Variants in POMGNT1 observed in about 807,000 individuals in gnomAD.
The protein encoded by POMGNT1 is protein O-linked-mannose beta-1,2-N-acetylglucosaminyltransferase 1.
In POMGNT1, 67 loss-of-function variants were observed where a neutral mutation model predicts 95.6. The observed-to-expected ratio is 0.70, with a 90% CI of 0.58 to 0.86. POMGNT1 has a LOEUF of 0.86. Among genes scored for constraint, POMGNT1 ranks in the 40% least tolerant of loss-of-function variants. The probability of loss-of-function intolerance (pLI) is 0.00; values close to 1 mark genes in which losing one functional copy is unlikely to be tolerated. For synonymous variants in POMGNT1, 298 were observed against 317.9 expected, an observed-to-expected ratio of 0.94 and a Z score of 0.66; for missense variants, 719 against 855.2, an observed-to-expected ratio of 0.84 and a Z score of 1.99.
rs750490876 is a variant in POMGNT1 at position 46,192,123 on chromosome 1, C to T, written c.1514G>A (p.Gly505Asp). 3 of 1,614,148 alleles carry T rather than the reference C, an allele frequency of 1.9e-6. No individual in the cohort carries two copies. The East Asian group carries it at 6.7e-5, about 36-fold the overall frequency. The change falls in exon 17 of 22, where the codon GGC becomes GAC. Residue 505 changes from glycine to aspartate, a missense_variant. Transcript: ENST00000371984. ...GTGAAAGTAGCCATTCATGTTGAGG[C>T]CGACGATGCCAAAGTGGTAGGATCG... ...VSRSYHFGIVGLNMNGYFHEA... is the reference protein window; with the variant it reads ...VSRSYHFGIVDLNMNGYFHEA...
chr1:46,209,604 G>A (rs1223391605), intron 1 of POMGNT1, among the ~76,000 whole-genome samples: 1 of 150,250 alleles, frequency 6.7e-6, no homozygotes, highest in East Asian at 2.0e-4. Flanking sequence ...GAGTGCAGTG[G>A]CCCAATCTCA....
upstream of POMGNT1, among the ~76,000 whole-genome samples, chr1:46,202,632 GT>G (rs1658566070): frequency 7.5e-6 from 1 of 133,270 alleles, no homozygotes; most frequent in African/African-American, 2.8e-5. Context: ...GGAGGCAGAG[GT>G]TTGTAGTGAG....
chr1:46,200,717 T>C (rs1390366595), upstream of POMGNT1, among the ~76,000 whole-genome samples: 1 of 152,252 alleles, frequency 6.6e-6, no homozygotes, highest in Non-Finnish European at 1.5e-5. Flanking sequence ...GTCTAATTCT[T>C]CTTTGACCTC....
Position 46,197,710 on chromosome 1 carries a change from A to G in POMGNT1, c.112T>C (p.Phe38Leu). The G allele has an allele frequency of 6.2e-7, 1 of 1,613,978 alleles. No homozygotes were observed. Among genetic ancestry groups the G allele is most frequent in the Non-Finnish European group, 8.5e-7 (1 of 1,179,968 alleles). Residue 38 changes from phenylalanine to leucine, a missense_variant, in exon 2 of 22, where the codon TTC (phenylalanine) becomes CTC (leucine). By Grantham distance (22) the Phe-to-Leu change is conservative. This residue lies in a region of POMGNT1 where 466 missense variants were observed against 517.4 expected (regional missense o/e 0.90). Coordinates refer to ENST00000371984, the MANE Select transcript of POMGNT1 (RefSeq NM_017739.4). The part of the protein sequence containing the change: ...KLTNQRALRR[F>L]CQTGAVLFLL... ...TTGGGACATCTCTATACCTGACAGA[A>G]TCTCCGCAGGGCCCGCTGGTTTGTC...
Position 46,189,456 on chromosome 1 carries a change from A to G in POMGNT1, c.1895+2T>C, listed in dbSNP as rs1299162535. The stretch of plus-strand genomic sequence containing the variant: ...TTCCCAGGGCAGAAAAGGGTCACTC[A>G]CGAGTAGGGGGAAGCCGGGACCCCC... On this transcript the variant is annotated splice_donor_variant, in intron 21 of 21. Coordinates refer to ENST00000371984, the MANE Select transcript of POMGNT1 (RefSeq NM_017739.4). LOFTEE classifies it high-confidence loss of function. The G allele has an allele frequency of 6.2e-7, 1 of 1,613,588 alleles. No individual in the cohort carries two copies. Among genetic ancestry groups the G allele is most frequent in the South Asian group, 1.1e-5 (1 of 90,918 alleles).
intron 21 of POMGNT1, 35 bp from the exon 22 acceptor site, chr1:46,189,392 G>C: frequency 6.2e-7 from 1 of 1,614,056 alleles, no homozygotes; most frequent in East Asian, 2.2e-5. Context: ...TAGAGAAGAA[G>C]CCATTAGCTA....
Position 46,195,870 on chromosome 1 carries a change from C to T in POMGNT1, c.475G>A (p.Ala159Thr), listed in dbSNP as rs1240661952. 1 of 1,613,068 alleles carries T rather than the reference C, an allele frequency of 6.2e-7. No homozygotes were observed. Among genetic ancestry groups the T allele is most frequent in the African/African-American group, 1.3e-5 (1 of 75,018 alleles). Residue 159 changes from alanine to threonine, a missense_variant, in exon 6 of 22, where the codon GCC (alanine) becomes ACC (threonine). This residue lies in a region of POMGNT1 where 466 missense variants were observed against 517.4 expected (regional missense o/e 0.90). Coordinates refer to ENST00000371984, the MANE Select transcript of POMGNT1 (RefSeq NM_017739.4). Reference sequence around the variant, plus strand: ...ACCATGTTGAGGAATAGCACCATGGCCTCATCCTCATGAGGTGAGTACGTG... The same window carrying T: ...ACCATGTTGAGGAATAGCACCATGGTCTCATCCTCATGAGGTGAGTACGTG... The part of the protein sequence containing the change: ...FDTYSPHEDE[A>T]MVLFLNMVAP...
chr1:46,207,009 A>G (rs1347905489), intron 1 of POMGNT1, among the ~76,000 whole-genome samples: 1 of 152,102 alleles, frequency 6.6e-6, no homozygotes, highest in African/African-American at 2.4e-5. Context: ...GTCGATTTCA[A>G]ATTGGAAGGA....
At chr1:46,210,192 C>T (rs1434814995) in intron 1 of POMGNT1, among the ~76,000 whole-genome samples, 1 of 152,082 alleles carries the variant, frequency 6.6e-6, no homozygotes, top group Non-Finnish European at 1.5e-5. Flanking sequence ...TGATATTCTT[C>T]CAAAAACACA....
At position 46,194,926 on chromosome 1, in the gene POMGNT1, C is replaced by T. The variant is rs1444782011; in HGVS notation, c.570G>A (p.Lys190=). The stretch of plus-strand genomic sequence containing the variant: ...GGCTGCCCAGGCTCCTCAGCAGAGC[C>T]TTGGCTGTGTCCTTGAGGTGGAAGG... ...EGSFHLKDTA[K]ALLRSLGSQA... is the part of the protein sequence containing the mutation. The change falls in exon 7 of 22, where the codon AAG becomes AAA. Residue 190 remains lysine, a synonymous_variant. Coordinates refer to ENST00000371984, the MANE Select transcript of POMGNT1 (RefSeq NM_017739.4). 6.2e-7 allele frequency: 1 copy of T among 1,614,030 alleles called. No individual in the cohort carries two copies. Among genetic ancestry groups the T allele is most frequent in the African/African-American group, 1.3e-5 (1 of 74,954 alleles).
At chr1:46,213,676 T>C (rs950996731) in intron 1 of POMGNT1, among the ~76,000 whole-genome samples, 2 of 152,112 alleles carry the variant, frequency 1.3e-5, no homozygotes, top group African/African-American at 4.8e-5. Flanking sequence ...GCTATGATCA[T>C]GCCACTGCAC....
chr1:46,194,031 A>G, intron 9 of POMGNT1, 106 bp from the exon 10 acceptor site: 1 of 1,568,442 alleles, frequency 6.4e-7, no homozygotes, highest in Admixed American at 1.9e-5. Flanking sequence ...TGGAGTAGAC[A>G]GGGAAGGGAT....
rs537503933 is a variant in POMGNT1, at chr1:46,211,963, T to C, written c.-51+7742A>G. On this transcript the variant is annotated intron_variant, in intron 1 of 22. Coordinates refer to the POMGNT1 transcript ENST00000371992. Reference sequence around the variant, plus strand: ...TTTTATTAGAGACGGGGTTTCACCATGTTGGCCAGGCTGGTCTCAAATTCC... The same window carrying C: ...TTTTATTAGAGACGGGGTTTCACCACGTTGGCCAGGCTGGTCTCAAATTCC... Among the ~76,000 whole-genome samples, 9 of 152,234 alleles carry C rather than the reference T, an allele frequency of 5.9e-5. No individual in the cohort carries two copies. The South Asian group carries it at 1.5e-3, about 25-fold the overall frequency.
chr1:46,208,440 G>A (rs1193835126), intron 1 of POMGNT1, among the ~76,000 whole-genome samples: 2 of 152,132 alleles, frequency 1.3e-5, no homozygotes, highest in Non-Finnish European at 2.9e-5. Flanking sequence ...TTCCATAACT[G>A]AATGGATTAA....
intron 1 of POMGNT1, among the ~76,000 whole-genome samples, chr1:46,208,360 G>A (rs1658786040): frequency 6.6e-6 from 1 of 152,096 alleles, no homozygotes; most frequent in Non-Finnish European, 1.5e-5. Context: ...ACCTTCTGAA[G>A]GTAAGAAATG....
In POMGNT1 at chr1:46,193,297, T is replaced by C. The variant is rs1657939269; in HGVS notation, c.1110+8A>G. The C allele has an allele frequency of 1.2e-6, 2 of 1,613,758 alleles. No homozygotes were observed. Among genetic ancestry groups the C allele is most frequent in the Admixed American group, 1.7e-5 (1 of 59,932 alleles). On this transcript the variant is annotated splice_region_variant and intron_variant, in intron 12 of 21. Transcript: ENST00000371984. Reference sequence around the variant, plus strand: ...TGTCTGCCCCATCCCCACTTGCCTATGCAGTACCTGAGACACGCGGGCATT... The same window carrying C: ...TGTCTGCCCCATCCCCACTTGCCTACGCAGTACCTGAGACACGCGGGCATT...
intron 1 of POMGNT1, among the ~76,000 whole-genome samples, chr1:46,210,853 C>G (rs1257179189): frequency 6.6e-6 from 1 of 152,058 alleles, no homozygotes; most frequent in Non-Finnish European, 1.5e-5. Flanking sequence ...CAGCTCACTG[C>G]AGCCTGTACT....
At chr1:46,213,375 T>TTTTTTTTTTTGAG (rs1553165553) in intron 1 of POMGNT1, among the ~76,000 whole-genome samples, 1 of 150,260 alleles carries the variant, frequency 6.7e-6, no homozygotes, top group Non-Finnish European at 1.5e-5. Flanking sequence ...ATAAATTTTT[T>TTTTTTTTTTTGAG]AAAATGTCAT....
intron 1 of POMGNT1, among the ~76,000 whole-genome samples, chr1:46,211,906 C>T (rs1315147275): frequency 2.0e-5 from 3 of 152,070 alleles, no homozygotes; most frequent in South Asian, 2.1e-4. Context: ...GGCTTACAGG[C>T]GTGCGCCACA....
Sources: gnomAD v4.1 joint callset for allele counts (sites outside exome capture counted in the v4.1 genomes callset) on GRCh38, gnomAD v4.1.1 for gene constraint, gnomAD v4.1.1 regional missense constraint, MANE v1.5 for transcripts, NCBI Gene and HGNC (gene_info 2026-07-23, HGNC 2026-07-21) for gene names.